The following GALNT17 variants were observed in gnomAD, a reference collection of about 807,000 sequenced individuals.
GALNT17 encodes polypeptide N-acetylgalactosaminyltransferase 17.
A neutral mutation model predicts 63.7 loss-of-function variants in GALNT17; 29 were observed. The observed-to-expected ratio is 0.46, with a 90% CI of 0.34 to 0.62. The LOEUF (loss-of-function observed/expected upper bound fraction) is 0.62. Among genes scored for constraint, GALNT17 ranks in the 20% least tolerant of loss-of-function variants. The pLI, the probability that GALNT17 is intolerant of heterozygous loss-of-function variation, is 0.01. For missense variants in GALNT17, 603 were observed against 799.6 expected (o/e 0.75, Z 2.97); for synonymous variants, 305 against 318.3 (o/e 0.96, Z 0.45).
intron 1 of GALNT17, among the ~76,000 whole-genome samples, chr7:71,165,473 G>GAGAGAGA (rs1788423639): frequency 2.2e-5 from 1 of 45,086 alleles, no homozygotes; most frequent in Non-Finnish European, 6.4e-5. Flanking sequence ...GACAAGAGAA[G>GAGAGAGA]AGAGAGAAGA....
intron 2 of GALNT17, among the ~76,000 whole-genome samples, chr7:71,357,027 C>T (rs1479825901): frequency 1.3e-5 from 2 of 152,050 alleles, no homozygotes; most frequent in Non-Finnish European, 2.9e-5. Flanking sequence ...CTCAGGTGAT[C>T]CACCCTCCTC....
At chr7:71,205,181 G>T (rs1789249709) in intron 1 of GALNT17, among the ~76,000 whole-genome samples, 1 of 119,118 alleles carries the variant, frequency 8.4e-6, no homozygotes, top group South Asian at 2.8e-4. Context: ...TTGAGACAGA[G>T]TCTCGCTCTG....
intron 3 of GALNT17, among the ~76,000 whole-genome samples, chr7:71,413,703 G>A (rs569435407): frequency 6.6e-6 from 1 of 152,088 alleles, no homozygotes; most frequent in South Asian, 2.1e-4. Context: ...TCTTGAGGGA[G>A]CACTTGTGTC....
intron 5 of GALNT17, among the ~76,000 whole-genome samples, chr7:71,443,129 G>A (rs1282280616): frequency 6.6e-6 from 1 of 152,104 alleles, no homozygotes; most frequent in Non-Finnish European, 1.5e-5. Context: ...AATGACTCAG[G>A]GCAGGTTACA....
chr7:71,406,369 T>G (rs1793328981), intron 3 of GALNT17, among the ~76,000 whole-genome samples: 1 of 152,136 alleles, frequency 6.6e-6, no homozygotes, highest in African/African-American at 2.4e-5. Flanking sequence ...TGATGGCCCC[T>G]TGTTGTGTGT....
chr7:71,514,402 G>GT (rs1448225266), intron 5 of GALNT17, among the ~76,000 whole-genome samples: 1 of 152,116 alleles, frequency 6.6e-6, no homozygotes, highest in African/African-American at 2.4e-5. Flanking sequence ...CTCATAAACA[G>GT]TGGGGGGTGG....
intron 3 of GALNT17, among the ~76,000 whole-genome samples, chr7:71,391,793 G>A (rs184468877): frequency 1.0e-3 from 154 of 152,246 alleles, no homozygotes; most frequent in Non-Finnish European, 1.3e-3. Flanking sequence ...GGCCTTGGGT[G>A]ATTTATTTAA....
chr7:71,562,190 C>G (rs1789268004), intron 5 of GALNT17, among the ~76,000 whole-genome samples: 1 of 152,052 alleles, frequency 6.6e-6, no homozygotes, highest in Non-Finnish European at 1.5e-5. Context: ...TTCTCAAACT[C>G]CTGGACTCAA....
At chr7:71,418,869 G>A (rs563263060) in intron 4 of GALNT17, among the ~76,000 whole-genome samples, 1 of 152,244 alleles carries the variant, frequency 6.6e-6, no homozygotes, top group African/African-American at 2.4e-5. Flanking sequence ...AGGCTGAGGC[G>A]GGCGGATCAC....
intron 5 of GALNT17, among the ~76,000 whole-genome samples, chr7:71,474,109 C>T (rs1787685240): frequency 6.6e-6 from 1 of 152,068 alleles, no homozygotes; most frequent in African/African-American, 2.4e-5. Context: ...TCTCTTTAGC[C>T]ATATAGGGTA....
intron 1 of GALNT17, among the ~76,000 whole-genome samples, chr7:71,208,575 AG>A (rs1179509674): frequency 1.3e-5 from 2 of 149,060 alleles, no homozygotes; most frequent in Non-Finnish European, 3.0e-5. Flanking sequence ...CTCAGCCTCC[AG>A]GGTAGCTGGG....
chr7:71,577,214 T>C (rs1435984401), intron 6 of GALNT17, among the ~76,000 whole-genome samples: 1 of 151,978 alleles, frequency 6.6e-6, no homozygotes, highest in East Asian at 1.9e-4. Flanking sequence ...ACTACTAGAG[T>C]GGGGAGACAG....
At chr7:71,492,640 G>A (rs1249112807) in intron 5 of GALNT17, among the ~76,000 whole-genome samples, 3 of 152,172 alleles carry the variant, frequency 2.0e-5, no homozygotes, top group Non-Finnish European at 2.9e-5. Context: ...AAGTAAATTG[G>A]CCAAAGTACT....
At chr7:71,382,750 C>T (rs1275177798) in intron 2 of GALNT17, among the ~76,000 whole-genome samples, 2 of 152,052 alleles carry the variant, frequency 1.3e-5, no homozygotes, top group African/African-American at 4.8e-5. Flanking sequence ...TGCGTTCATT[C>T]GGGTTCCCTA....
At chr7:71,343,893 T>C (rs1792047138) in intron 2 of GALNT17, among the ~76,000 whole-genome samples, 1 of 152,164 alleles carries the variant, frequency 6.6e-6, no homozygotes, top group South Asian at 2.1e-4. Flanking sequence ...ATTTTCTCTG[T>C]GGTGTTCTTT....
intron 6 of GALNT17, among the ~76,000 whole-genome samples, chr7:71,572,315 G>A (rs1789457201): frequency 6.6e-6 from 1 of 150,834 alleles, no homozygotes; most frequent in South Asian, 2.1e-4. Context: ...CAGCCTGGGT[G>A]ACATAACAAA....
At chr7:71,607,822 C>T (rs901406291) in intron 6 of GALNT17, among the ~76,000 whole-genome samples, 2 of 152,314 alleles carry the variant, frequency 1.3e-5, no homozygotes, top group South Asian at 4.1e-4. Flanking sequence ...ATAGAGTAAA[C>T]CAAATGTGAA....
chr7:71,679,564 C>A (rs1726865267), intron 9 of GALNT17, among the ~76,000 whole-genome samples: 1 of 152,090 alleles, frequency 6.6e-6, no homozygotes, highest in South Asian at 2.1e-4. Context: ...AGAAAAGAGG[C>A]AAGAAATCTA....
intron 1 of GALNT17, among the ~76,000 whole-genome samples, chr7:71,169,386 C>A (rs548211627): frequency 1.3e-5 from 2 of 152,172 alleles, no homozygotes; most frequent in South Asian, 4.1e-4. Flanking sequence ...GATAACTGTG[C>A]TTTGTGGCCT....
Sources: gnomAD v4.1 joint callset for allele counts (sites outside exome capture counted in the v4.1 genomes callset) on GRCh38, gnomAD v4.1.1 for gene constraint, MANE v1.5 for transcripts, NCBI Gene and HGNC (gene_info 2026-07-23, HGNC 2026-07-21) for gene names.